FRMD4B: variants seen among roughly 807,000 people sequenced by gnomAD.
FRMD4B encodes the protein FERM domain-containing protein 4B.
In FRMD4B, 74 loss-of-function variants were observed where a neutral mutation model predicts 141.5. That is an observed-to-expected ratio of 0.52 (90% confidence interval 0.43 to 0.63). The LOEUF (loss-of-function observed/expected upper bound fraction) is 0.63, where lower values mean the gene tolerates loss of function less well. Ranked by LOEUF, FRMD4B falls within the 30% of genes least tolerant of loss-of-function variation. FRMD4B has a pLI of 0.00. For missense variants in FRMD4B, 1,366 were observed against 1,253.4 expected, an observed-to-expected ratio of 1.09 and a Z score of -1.36; for synonymous variants, 506 against 467.9, an observed-to-expected ratio of 1.08 and a Z score of -1.05.
chr3:69,529,074 C>T (rs1295456341), intron 1 of FRMD4B, among the ~76,000 whole-genome samples: 3 of 152,146 alleles, frequency 2.0e-5, no homozygotes, highest in South Asian at 4.1e-4. Context: ...CTGGTATGCA[C>T]GACCATGGCC....
chr3:69,536,223 G>T (rs909774642), intron 1 of FRMD4B: 1 of 599,160 alleles, frequency 1.7e-6, no homozygotes. Flanking sequence ...GCCTCACTTG[G>T]TTTCTTGGCG....
intron 5 of FRMD4B, among the ~76,000 whole-genome samples, chr3:69,278,049 T>A (rs929223309): frequency 6.6e-6 from 1 of 151,058 alleles, no homozygotes; most frequent in Non-Finnish European, 1.5e-5. Context: ...AGAGATGGAG[T>A]TTCACCATAT....
intron 1 of FRMD4B, among the ~76,000 whole-genome samples, chr3:69,481,445 CT>C (rs892056163): frequency 3.3e-5 from 5 of 152,010 alleles, no homozygotes; most frequent in South Asian, 2.1e-4. Flanking sequence ...CCTATCAGGA[CT>C]TTTTTGGTTA....
intron 1 of FRMD4B, among the ~76,000 whole-genome samples, chr3:69,528,118 T>C (rs528962917): frequency 1.3e-5 from 2 of 152,286 alleles, no homozygotes; most frequent in Non-Finnish European, 1.5e-5. Flanking sequence ...TTGATAGACA[T>C]GGGATGGACA....
At chr3:69,247,390 A>T (rs2093431905) in intron 7 of FRMD4B, among the ~76,000 whole-genome samples, 1 of 152,158 alleles carries the variant, frequency 6.6e-6, no homozygotes, top group South Asian at 2.1e-4. Flanking sequence ...ATGATTTCTT[A>T]TCCAGGGTTG....
intron 5 of FRMD4B, among the ~76,000 whole-genome samples, chr3:69,255,071 T>A (rs980132478): frequency 2.0e-4 from 30 of 152,196 alleles, no homozygotes; most frequent in African/African-American, 7.0e-4. Flanking sequence ...TACAAGGACG[T>A]TACTGGGACA....
At chr3:69,461,361 C>T (rs1382842147) in intron 1 of FRMD4B, among the ~76,000 whole-genome samples, 2 of 149,750 alleles carry the variant, frequency 1.3e-5, no homozygotes, top group Admixed American at 6.7e-5. Flanking sequence ...GAGTTCGAGA[C>T]CATCCTGGGA....
intron 11 of FRMD4B, among the ~76,000 whole-genome samples, chr3:69,214,638 C>T (rs1191164783): frequency 1.3e-5 from 2 of 152,092 alleles, no homozygotes; most frequent in Non-Finnish European, 2.9e-5. Context: ...GTGGGAAGAT[C>T]GCTTGAGCCC....
chr3:69,189,817 C>A (rs1575592900), intron 18 of FRMD4B, 79 bp downstream of exon 18: 1 of 827,870 alleles, frequency 1.2e-6, no homozygotes, highest in South Asian at 1.5e-5. Flanking sequence ...AACAAATAGG[C>A]CTTACTTAAC....
rs537444101 is a variant in FRMD4B at position 69,225,935 on chromosome 3, T to C, written c.582-1245A>G. On this transcript the variant is annotated intron_variant, in intron 7 of 22. Transcript: ENST00000398540. ...CCTACCTTCCACTTCTTCCTATCTTTACCACTAGCTACCCTTCGATGAAAG... is the reference window on the plus strand; with the variant it reads ...CCTACCTTCCACTTCTTCCTATCTTCACCACTAGCTACCCTTCGATGAAAG... Among the ~76,000 whole-genome samples the C allele has an allele frequency of 2.6e-5, 4 of 152,238 alleles. No homozygotes were observed. The South Asian group carries it at 8.3e-4, about 32-fold the overall frequency.
chr3:69,229,555 C>G (rs2093286189), intron 7 of FRMD4B, among the ~76,000 whole-genome samples: 1 of 152,104 alleles, frequency 6.6e-6, no homozygotes. Context: ...AAAGAGAAAG[C>G]CAGCAGAATA....
chr3:69,188,773 A>ACC (rs1559697622), intron 18 of FRMD4B, among the ~76,000 whole-genome samples: 1 of 151,460 alleles, frequency 6.6e-6, no homozygotes, highest in African/African-American at 2.4e-5. Context: ...CAAAAAAAAA[A>ACC]AAAAAAAAAA....
chr3:69,465,089 G>C (rs1000266074), intron 1 of FRMD4B, among the ~76,000 whole-genome samples: 1 of 152,162 alleles, frequency 6.6e-6, no homozygotes, highest in African/African-American at 2.4e-5. Flanking sequence ...GGGAGGCCAA[G>C]GCAGGCAGAT....
At chr3:69,228,209 G>A (rs893891999) in intron 7 of FRMD4B, among the ~76,000 whole-genome samples, 5 of 152,190 alleles carry the variant, frequency 3.3e-5, no homozygotes, top group Non-Finnish European at 7.3e-5. Flanking sequence ...CAATAGTGCT[G>A]AGATTGAGAA....
chr3:69,252,827 C>T (rs1437378175), intron 5 of FRMD4B, among the ~76,000 whole-genome samples: 1 of 152,054 alleles, frequency 6.6e-6, no homozygotes. Flanking sequence ...GAAGGATCTC[C>T]TCAAAGAGAG....
At chr3:69,283,434 A>C (rs1449777487) in intron 5 of FRMD4B, among the ~76,000 whole-genome samples, 21 of 151,170 alleles carry the variant, frequency 1.4e-4, no homozygotes, top group African/African-American at 4.6e-4. Context: ...AACAACAAAA[A>C]AAAAAAAAAA....
At chr3:69,415,198 CA>C (rs1442383083) in intron 2 of FRMD4B, among the ~76,000 whole-genome samples, 1 of 152,066 alleles carries the variant, frequency 6.6e-6, no homozygotes, top group Non-Finnish European at 1.5e-5. Context: ...GACCACTGCC[CA>C]GTGAAAAGAA....
In FRMD4B at chr3:69,470,733, A is replaced by G. The variant is rs74715071; in HGVS notation, c.-128-37972T>C. The stretch of plus-strand genomic sequence containing the variant: ...AGTAACCAGGCTCAAAGAGAACTAC[A>G]TTCCTAGGGCAATGTTAAGTGTCCT... On this transcript the variant is annotated intron_variant, in intron 1 of 5. Coordinates refer to the FRMD4B transcript ENST00000459638. 2.8e-3 allele frequency among the ~76,000 whole-genome samples: 421 copies of G among 152,308 alleles called. 2 individuals carry two copies. The highest frequency in any genetic ancestry group is 9.5e-3 in the African/African-American group (394 of 41,580).
intron 1 of FRMD4B, among the ~76,000 whole-genome samples, chr3:69,348,969 G>A (rs1197707485): frequency 6.6e-6 from 1 of 152,138 alleles, no homozygotes; most frequent in African/African-American, 2.4e-5. Context: ...GGAAGTTCTG[G>A]CCAGGGCAAT....
Sources: gnomAD v4.1 joint callset for allele counts (sites outside exome capture counted in the v4.1 genomes callset) on GRCh38, gnomAD v4.1.1 for gene constraint, MANE v1.5 for transcripts, NCBI Gene and HGNC (gene_info 2026-07-23, HGNC 2026-07-21) for gene names.